Variants in TMPO observed in about 807,000 individuals in gnomAD.
The protein encoded by TMPO is LEM domain containing 4.
Under a neutral mutation model 45.4 loss-of-function variants are expected in TMPO, and 22 were observed. The observed-to-expected ratio is 0.48, with a 90% CI of 0.35 to 0.69. The LOEUF is 0.69. TMPO is among the 30% of genes least tolerant of loss of function. The pLI is 0.01. For missense variants in TMPO, 512 were observed against 548.8 expected, an observed-to-expected ratio of 0.93 and a Z score of 0.67; for synonymous variants, 241 against 204.1, an observed-to-expected ratio of 1.18 and a Z score of -1.54.
chr12:98,522,057 A>G (rs1876413628), intron 1 of TMPO, among the ~76,000 whole-genome samples: 1 of 151,650 alleles, frequency 6.6e-6, no homozygotes, highest in African/African-American at 2.4e-5. Context: ...TTTAAGAGAT[A>G]GGGTCTCGCT....
rs12825374 is a variant in TMPO at position 98,537,750 on chromosome 12, T to C, written c.663+178T>C. 0.096 allele frequency: 64,613 copies of C among 673,542 alleles called. 4,592 individuals are homozygous for C. Among genetic ancestry groups the C allele is most frequent in the East Asian group, 0.31 (11,386 of 37,000 alleles). 41.7% of individuals were successfully genotyped at this position (673,542 alleles called of 1,614,324 possible). On this transcript the variant is annotated intron_variant, in intron 4 of 8. Transcript: ENST00000556029. ...TGGGTTTTGTCAGTAGTGTAGCCTG[T>C]GATTACAGCAAAAGCAAATTTTTAA...
chr12:98,544,558 A>C, intron 6 of TMPO, 21 bp downstream of exon 6: 1 of 1,578,854 alleles, frequency 6.3e-7, no homozygotes, highest in Non-Finnish European at 8.7e-7. Flanking sequence ...TTCATAAACT[A>C]TACAAGTGGT....
intron 3 of TMPO, chr12:98,535,269 C>A: frequency 1.0e-6 from 1 of 982,222 alleles, no homozygotes; most frequent in Non-Finnish European, 1.2e-6. Flanking sequence ...ACTCTAAAAG[C>A]AAATTAAATT....
At chr12:98,532,041 A>G (rs1877230701) in intron 3 of TMPO, 4 of 514,348 alleles carry the variant, frequency 7.8e-6, no homozygotes, top group African/African-American at 1.9e-5. Flanking sequence ...ATAATTTTCC[A>G]TCACCTGAAA....
At position 98,534,263 on chromosome 12, in the gene TMPO, C is replaced by T. The variant is rs1268085556; in HGVS notation, c.565+2425C>T. ...AATTTAGCTTCTAAGAATAAGCTGG[C>T]TTCCACTCCCTTTAAAGGTGGAACA... On this transcript the variant is annotated intron_variant, in intron 3 of 8. Transcript: ENST00000556029. 6.2e-7 allele frequency: 1 copy of T among 1,613,628 alleles called. No homozygotes were observed. Among genetic ancestry groups the T allele is most frequent in the Non-Finnish European group, 8.5e-7 (1 of 1,179,902 alleles).
At chr12:98,526,967 A>AAG (rs398038036) in intron 1 of TMPO, among the ~76,000 whole-genome samples, 2 of 151,966 alleles carry the variant, frequency 1.3e-5, no homozygotes, top group Non-Finnish European at 2.9e-5. Context: ...CAAAAAAAAA[A>AAG]GAAAAAGAAA....
At chr12:98,545,542 C>T (rs575590454) in intron 7 of TMPO, among the ~76,000 whole-genome samples, 4 of 152,004 alleles carry the variant, frequency 2.6e-5, no homozygotes, top group Non-Finnish European at 4.4e-5. Context: ...CAAAAGGAGC[C>T]GAAACATTTA....
At chr12:98,524,640 C>T (rs1001421524) in intron 1 of TMPO, among the ~76,000 whole-genome samples, 1 of 151,928 alleles carries the variant, frequency 6.6e-6, no homozygotes, top group African/African-American at 2.4e-5. Flanking sequence ...ATCGCCCAGG[C>T]TGGAGGGCAG....
intron 8 of TMPO, among the ~76,000 whole-genome samples, chr12:98,547,034 T>C (rs1429801862): frequency 8.4e-6 from 1 of 119,284 alleles, no homozygotes; most frequent in African/African-American, 4.4e-5. Context: ...AGTGACTATT[T>C]ATCAGTGTTC....
intron 1 of TMPO, among the ~76,000 whole-genome samples, chr12:98,517,710 A>G (rs1335034075): frequency 2.6e-5 from 4 of 152,386 alleles, no homozygotes; most frequent in African/African-American, 9.6e-5. Context: ...TGTACAATAA[A>G]TAAAAGACCA....
chr12:98,523,422 G>A (rs1040314654), intron 1 of TMPO, among the ~76,000 whole-genome samples: 2 of 151,952 alleles, frequency 1.3e-5, no homozygotes, highest in African/African-American at 4.8e-5. Flanking sequence ...GTCGGGTATG[G>A]TGTTGCGCGC....
chr12:98,521,420 A>G (rs1410903762), intron 1 of TMPO, among the ~76,000 whole-genome samples: 1 of 151,812 alleles, frequency 6.6e-6, no homozygotes, highest in Admixed American at 6.6e-5. Context: ...CCTATGGGGA[A>G]CATTTTTAAT....
Position 98,547,723 on chromosome 12 carries a change from C to T in TMPO, c.1230C>T (p.Ser410=). The change falls in exon 9 of 9, where the codon TCC becomes TCT. Residue 410 remains serine, a synonymous_variant. Transcript: ENST00000556029. ...VKSEKTKKGR[S]IPVWIKILLF... is the part of the protein sequence containing the mutation. Reference sequence around the variant, plus strand: ...CAGAAAAGACAAAAAAGGGACGCTCCATTCCCGTATGGATAAAAATTTTGC... The same window carrying T: ...CAGAAAAGACAAAAAAGGGACGCTCTATTCCCGTATGGATAAAAATTTTGC... 1.2e-6 allele frequency: 2 copies of T among 1,614,146 alleles called. No homozygotes were observed. Among genetic ancestry groups the T allele is most frequent in the East Asian group, 4.5e-5 (2 of 44,874 alleles).
rs1352917824 is a variant in TMPO at position 98,516,457 on chromosome 12, T to C, written c.279+311T>C. On this transcript the variant is annotated intron_variant, in intron 1 of 8. Coordinates refer to ENST00000556029, the MANE Select transcript of TMPO (RefSeq NM_001032283.3). ...ACCACCAGCCGCCTGCAGCGGGCGTTTAGACGGGGACTTCCGTGCCCTTTC... is the reference window on the plus strand; with the variant it reads ...ACCACCAGCCGCCTGCAGCGGGCGTCTAGACGGGGACTTCCGTGCCCTTTC... 8.8e-6 allele frequency: 10 copies of C among 1,142,436 alleles called. No homozygotes were observed. In the African/African-American group the frequency reaches 1.1e-4, roughly 13 times the overall value. 70.8% of individuals were successfully genotyped at this position (1,142,436 alleles called of 1,614,324 possible). A position where few individuals can be genotyped will look rare whatever the true frequency, so the allele number is the denominator to read the frequency against.
In TMPO at chr12:98,515,827, G is replaced by T; in HGVS notation, c.-41G>T. 1 of 1,587,026 alleles carries T rather than the reference G, an allele frequency of 6.3e-7. No individual in the cohort carries two copies. ...AGCAAGCGCGCCGGCGTGAGCGGCG[G>T]CGGCAAAGGCTGTGGGGAGGGGGCT... On this transcript the variant is annotated 5_prime_UTR_variant, in exon 1 of 9. Transcript: ENST00000556029.
chr12:98,531,889 A>C (rs766121182), intron 3 of TMPO, 51 bp downstream of exon 3: 7 of 1,506,206 alleles, frequency 4.6e-6, no homozygotes, highest in Admixed American at 1.9e-5. Context: ...TTCACACTCA[A>C]AATTCAGTGA....
intron 4 of TMPO, among the ~76,000 whole-genome samples, chr12:98,537,870 C>T (rs1037428852): frequency 2.6e-5 from 4 of 151,450 alleles, no homozygotes; most frequent in African/African-American, 9.8e-5. Flanking sequence ...AATATCTAGA[C>T]ACTTTTGATA....
In TMPO at chr12:98,544,480, A is replaced by G. The variant is rs1878103512; in HGVS notation, c.822A>G (p.Val274=). 6.2e-7 allele frequency: 1 copy of G among 1,613,996 alleles called. No individual in the cohort carries two copies. Among genetic ancestry groups the G allele is most frequent in the Non-Finnish European group, 8.5e-7 (1 of 1,179,926 alleles). ...TSEHFRIDGP[V]ISESTPIAET... ...AACATTTTCGTATAGATGGTCCAGT[A>G]ATTTCAGAGAGTACTCCCATAGCTG... The change falls in exon 6 of 9, where the codon GTA becomes GTG. Residue 274 remains valine (V), a synonymous_variant. Transcript: ENST00000556029.
At chr12:98,535,716 C>G in intron 3 of TMPO, 1 of 935,280 alleles carries the variant, frequency 1.1e-6, no homozygotes, top group African/African-American at 1.8e-5. Context: ...TATGAACACC[C>G]CTTTTCCATT....
Sources: gnomAD v4.1 joint callset for allele counts (sites outside exome capture counted in the v4.1 genomes callset) on GRCh38, gnomAD v4.1.1 for gene constraint, MANE v1.5 for transcripts, NCBI Gene and HGNC (gene_info 2026-07-23, HGNC 2026-07-21) for gene names.